The following SHC2 variants were observed in gnomAD, a reference collection of about 807,000 sequenced individuals.
SHC2 encodes the protein SHC-transforming protein 2.
A neutral mutation model predicts 60.6 loss-of-function variants in SHC2; 62 were observed. The ratio of observed to expected loss-of-function variants is 1.02; its 90% CI spans 0.83 to 1.26. The LOEUF (loss-of-function observed/expected upper bound fraction) is 1.26. SHC2 is among the 50% of genes most tolerant of loss of function. The probability of loss-of-function intolerance (pLI) is 0.00; values close to 1 mark genes in which losing one functional copy is unlikely to be tolerated. For missense variants in SHC2, 873 were observed against 822.2 expected (o/e 1.06, Z -0.76); for synonymous variants, 375 against 372.4 (o/e 1.01, Z -0.08).
chr19:450,021 C>T (rs560037353), intron 1 of SHC2, among the ~76,000 whole-genome samples: 1 of 152,358 alleles, frequency 6.6e-6, no homozygotes, highest in Admixed American at 6.5e-5. Flanking sequence ...CCACCCCTGG[C>T]CAGGAGGACG....
At chr19:431,046 C>G (rs955023883) in intron 8 of SHC2, among the ~76,000 whole-genome samples, 10 of 152,266 alleles carry the variant, frequency 6.6e-5, no homozygotes, top group African/African-American at 2.2e-4. Flanking sequence ...TCCCAGGCAG[C>G]TCCTATTCAC....
intron 8 of SHC2, among the ~76,000 whole-genome samples, chr19:432,967 A>T (rs368422694): frequency 2.3e-3 from 8 of 3,540 alleles, no homozygotes; most frequent in African/African-American, 4.9e-3. Context: ...TGAGTGAGAG[A>T]TAGAGGAGGC....
rs1357375976 is a variant in SHC2, at chr19:424,801, G to A, written c.1309+296C>T. Among the ~76,000 whole-genome samples, 1 of 152,160 alleles carries A rather than the reference G, an allele frequency of 6.6e-6. No individual in the cohort carries two copies. The highest frequency in any genetic ancestry group is 2.4e-5 in the African/African-American group (1 of 41,446). ...CCCGGGAGATGGGGTCCTGTAGGAG[G>A]GGCTGGGCCTCACCCATTACACTGC... is the stretch of plus-strand genomic sequence containing the variant. On this transcript the variant is annotated intron_variant, in intron 10 of 12. Transcript: ENST00000264554. This position sits in a 1 kb window ranked among gnomAD's most constrained non-coding sequence, Gnocchi z 4.5.
At chr19:421,467 G>GAGAA (rs1974272140) in intron 11 of SHC2, among the ~76,000 whole-genome samples, 2 of 150,236 alleles carry the variant, frequency 1.3e-5, no homozygotes, top group Non-Finnish European at 3.0e-5. Flanking sequence ...GGGAGAGAGG[G>GAGAA]AGGAAGAAGG....
rs1278064464 is a variant in SHC2 at position 453,378 on chromosome 19, T to A, written c.468+7151A>T. ...TCGAATTCTCAGGCTCACGTGCTCC[T>A]CCTGCCTCAGTCTCCCACATAGCCG... On this transcript the variant is annotated intron_variant, in intron 1 of 12. Transcript: ENST00000264554. The surrounding 1 kb of genome is among the most constrained non-coding windows in gnomAD (Gnocchi z 6.3). The A allele has an allele frequency of 4.6e-5, 7 of 152,240 alleles. No homozygotes were observed. The highest frequency in any genetic ancestry group is 2.9e-5 in the Non-Finnish European group (2 of 68,106). 9.4% of individuals were successfully genotyped at this position (152,240 alleles called of 1,614,324 possible). A position where few individuals can be genotyped will look rare whatever the true frequency, so the allele number is the denominator to read the frequency against.
At position 424,560 on chromosome 19, in the gene SHC2, G is replaced by A. The variant is rs972449891; in HGVS notation, c.1309+537C>T. ...CCCTCTCAGACTAAGGAGTCCCATG[G>A]GGCGAGGGTCTGGCTTCCCCTGTTG... On this transcript the variant is annotated intron_variant, in intron 10 of 12. Transcript: ENST00000264554. This position sits in a 1 kb window ranked among gnomAD's most constrained non-coding sequence, Gnocchi z 4.5. 5.9e-5 allele frequency among the ~76,000 whole-genome samples: 9 copies of A among 152,192 alleles called. No individual in the cohort carries two copies. Among genetic ancestry groups the A allele is most frequent in the Non-Finnish European group, 1.2e-4 (8 of 68,038 alleles).
Position 438,683 on chromosome 19 carries a change from G to C in SHC2, c.720+35C>G. The C allele has an allele frequency of 1.3e-6, 2 of 1,546,348 alleles. No individual in the cohort carries two copies. The highest frequency in any genetic ancestry group is 1.7e-6 in the Non-Finnish European group (2 of 1,146,298). Reference sequence around the variant, plus strand: ...TCCTAGGACTCCTGGCCCCTCTGGGGGTCTGGGGACGCCAGGCGAAGAGGG... The same window carrying C: ...TCCTAGGACTCCTGGCCCCTCTGGGCGTCTGGGGACGCCAGGCGAAGAGGG... On this transcript the variant is annotated intron_variant, in intron 4 of 12. Transcript: ENST00000264554. The surrounding 1 kb of genome is among the most constrained non-coding windows in gnomAD (Gnocchi z 5.0).
chr19:460,675 G>A lies in SHC2; in HGVS notation c.322C>T (p.Arg108Trp). 9.5e-7 allele frequency: 1 copy of A among 1,054,314 alleles called. No homozygotes were observed. The highest frequency in any genetic ancestry group is 1.1e-6 in the Non-Finnish European group (1 of 879,868). 65.3% of individuals were successfully genotyped at this position (1,054,314 alleles called of 1,614,324 possible). A position where few individuals can be genotyped will look rare whatever the true frequency, so the allele number is the denominator to read the frequency against. Residue 108 changes from arginine to tryptophan, a missense_variant, in exon 1 of 13, where the codon CGG (arginine) becomes TGG (tryptophan). By Grantham distance (101) the Arg-to-Trp change is moderately radical (BLOSUM62 -3). Coordinates refer to ENST00000264554, the MANE Select transcript of SHC2 (RefSeq NM_012435.3). ...GACCCCGCCGCCCCCCGCCCGCCCC[G>A]CGACCCCCGCGACCCCGCGCCCCGA... is the stretch of plus-strand genomic sequence containing the variant. Reference protein sequence around the residue: ...RCRGAGSRGSRGGRGAAGSGD... With the variant: ...RCRGAGSRGSWGGRGAAGSGD...
At chr19:454,435 G>T (rs1022292191) in intron 1 of SHC2, among the ~76,000 whole-genome samples, 1 of 152,148 alleles carries the variant, frequency 6.6e-6, no homozygotes, top group Non-Finnish European at 1.5e-5. Flanking sequence ...CAGAGGCCCC[G>T]GGAAGGCGGT....
At chr19:459,632 A>G (rs539055866) in intron 1 of SHC2, among the ~76,000 whole-genome samples, 164 of 152,222 alleles carry the variant, frequency 1.1e-3, no homozygotes, top group Non-Finnish European at 2.0e-3. Context: ...AAGGGGAAGG[A>G]CCCTTCTCAA....
Position 440,933 on chromosome 19 carries a change from C to T in SHC2, c.469-1G>A, listed in dbSNP as rs1445736794. The T allele has an allele frequency of 1.9e-6, 3 of 1,612,216 alleles. No individual in the cohort carries two copies. Among genetic ancestry groups the T allele is most frequent in the African/African-American group, 1.3e-5 (1 of 74,922 alleles). On this transcript the variant is annotated splice_acceptor_variant, in intron 1 of 12. Transcript: ENST00000264554. LOFTEE classifies it high-confidence loss of function. This position sits in a 1 kb window ranked among gnomAD's most constrained non-coding sequence, Gnocchi z 7.0. ...GGAGAACCTCGATGCAGCCCATGTA[C>T]TGAGGGGAGAGAACAGGTGTCAGAT...
intron 1 of SHC2, among the ~76,000 whole-genome samples, chr19:457,343 T>C (rs114547407): frequency 0.09 from 6,902 of 76,946 alleles, 291 homozygotes; most frequent in Middle Eastern, 0.27. Context: ...AAACCCACCA[T>C]ATCAGGCCTT....
At chr19:436,826 C>T (rs1600296318) in intron 4 of SHC2, 143 bp from the exon 5 acceptor site, 1 of 809,038 alleles carries the variant, frequency 1.2e-6, no homozygotes, top group East Asian at 2.7e-5. Context: ...GCACCCACTG[C>T]AGCCGGGTCC....
Position 434,754 on chromosome 19 carries a change from G to A in SHC2, c.1065C>T (p.Ser355=), listed in dbSNP as rs1236569841. 1.2e-6 allele frequency: 2 copies of A among 1,612,728 alleles called. No individual in the cohort carries two copies. The highest frequency in any genetic ancestry group is 1.7e-6 in the Non-Finnish European group (2 of 1,179,748). ...KEPPLGGLVD[S]RLALTQPCAL... ...CGCAGGGCTGTGTCAGGGCCAGCCT[G>A]GAGTCCACTAGCCCGCCCAGCGGCG... Residue 355 remains serine, a synonymous_variant, in exon 8 of 13, where the codon TCC becomes TCT. Coordinates refer to ENST00000264554, the MANE Select transcript of SHC2 (RefSeq NM_012435.3).
At chr19:447,949 G>A (rs1363017748) in intron 1 of SHC2, among the ~76,000 whole-genome samples, 2 of 152,212 alleles carry the variant, frequency 1.3e-5, no homozygotes, top group Non-Finnish European at 2.9e-5. Context: ...GGAGCTGGGA[G>A]CCAGGATGTC....
At chr19:443,589 A>G (rs1420635084) in intron 1 of SHC2, among the ~76,000 whole-genome samples, 34 of 74,206 alleles carry the variant, frequency 4.6e-4, no homozygotes, top group East Asian at 9.6e-4. Context: ...TGGGTGGATG[A>G]ATGGATGGAT....
At chr19:430,961 C>T (rs981746468) in intron 8 of SHC2, among the ~76,000 whole-genome samples, 4 of 152,256 alleles carry the variant, frequency 2.6e-5, no homozygotes, top group African/African-American at 4.8e-5. Flanking sequence ...CTCTCCACCT[C>T]GGAAGGTGGT....
chr19:437,386 GTTTGCATGCTCA>G (rs984168122), intron 4 of SHC2, among the ~76,000 whole-genome samples: 5 of 152,114 alleles, frequency 3.3e-5, no homozygotes, highest in East Asian at 3.9e-4. Flanking sequence ...CTGCGTGCTT[GTTTGCATGCTCA>G]TTTGCATGGT....
chr19:439,400 A>C (rs1200773556), intron 2 of SHC2: 2 of 299,082 alleles, frequency 6.7e-6, no homozygotes, highest in Non-Finnish European at 1.3e-5. Flanking sequence ...GCTCGGCATC[A>C]GATGTGGGGG....
Sources: allele counts gnomAD v4.1 joint callset (sites outside exome capture counted in the v4.1 genomes callset), GRCh38; gene constraint gnomAD v4.1.1; non-coding constraint Gnocchi (gnomAD v3.1); transcripts MANE v1.5; gene names NCBI Gene and HGNC (gene_info 2026-07-23, HGNC 2026-07-21).